Variants in ARID4B observed in about 807,000 individuals in gnomAD.
ARID4B encodes AT-rich interaction domain 4B.
A neutral mutation model predicts 147.5 loss-of-function variants in ARID4B; 26 were observed. The observed-to-expected ratio is 0.18, with a 90% CI of 0.13 to 0.24. The LOEUF (loss-of-function observed/expected upper bound fraction) is 0.24. ARID4B is among the 10% of genes least tolerant of loss of function. The probability of loss-of-function intolerance (pLI) is 1.00; values close to 1 mark genes in which losing one functional copy is unlikely to be tolerated. For synonymous variants in ARID4B, 512 were observed against 507.9 expected, an observed-to-expected ratio of 1.01 and a Z score of -0.11; for missense variants, 1,179 against 1,511.5, an observed-to-expected ratio of 0.78 and a Z score of 3.65.
intron 7 of ARID4B, among the ~76,000 whole-genome samples, chr1:235,244,405 G>A (rs933430129): frequency 6.6e-5 from 10 of 151,812 alleles, no homozygotes; most frequent in African/African-American, 2.2e-4. Context: ...AAACACAATC[G>A]CTGCAAACAA....
chr1:235,172,484 A>C, intron 23 of ARID4B, 134 bp downstream of exon 23: 1 of 526,188 alleles, frequency 1.9e-6, no homozygotes, highest in Non-Finnish European at 3.1e-6. Flanking sequence ...AAGCTGAGGT[A>C]GGAGAACTGT....
At chr1:235,209,501 T>C (rs1197028740) in intron 17 of ARID4B, among the ~76,000 whole-genome samples, 3 of 151,712 alleles carry the variant, frequency 2.0e-5, no homozygotes. Flanking sequence ...ACAAACAGCA[T>C]TTTAGTTAGA....
At chr1:235,207,727 G>A (rs1666408407) in intron 17 of ARID4B, among the ~76,000 whole-genome samples, 2 of 152,128 alleles carry the variant, frequency 1.3e-5, no homozygotes, top group Admixed American at 1.3e-4. Context: ...GGAATAAAGT[G>A]TGATAAAAAG....
chr1:235,171,766 A>G (rs559505176), intron 23 of ARID4B, among the ~76,000 whole-genome samples: 147 of 152,150 alleles, frequency 9.7e-4, no homozygotes, highest in Non-Finnish European at 1.8e-3. Context: ...CGGCCTCCCA[A>G]GTAGCTGGGA....
At chr1:235,202,053 T>C (rs6669653) in intron 17 of ARID4B, among the ~76,000 whole-genome samples, 4 of 150,096 alleles carry the variant, frequency 2.7e-5, no homozygotes, top group Non-Finnish European at 5.9e-5. Flanking sequence ...ATATATACAA[T>C]CCAGGATAGT....
chr1:235,318,168 C>CTT lies in ARID4B; in HGVS notation c.6+8744_6+8745dup, dbSNP rs372816686. 7.6e-4 allele frequency among the ~76,000 whole-genome samples: 85 copies of CTT among 112,004 alleles called. 1 individual carries two copies. Among genetic ancestry groups the CTT allele is most frequent in the African/African-American group, 9.7e-4 (23 of 23,624 alleles). The allele number at this position is 112,004 out of a possible 152,430, so 73.5% of individuals were successfully genotyped here. ...AGCATAGTATTAACACTTGCTACTC[C>CTT]TTTTTTTTTTTTTTTTTTTTTTTTT... is the stretch of plus-strand genomic sequence containing the variant. On this transcript the variant is annotated intron_variant, in intron 2 of 23. Coordinates refer to ENST00000264183, the MANE Select transcript of ARID4B (RefSeq NM_016374.6).
chr1:235,179,871 C>T (rs1664175636), intron 20 of ARID4B, among the ~76,000 whole-genome samples: 1 of 151,792 alleles, frequency 6.6e-6, no homozygotes, highest in African/African-American at 2.4e-5. Context: ...GAGATAGAGA[C>T]CATCCTGGCT....
At chr1:235,231,218 GA>G (rs750537738) in intron 9 of ARID4B, 29 bp from the exon 10 acceptor site, 421 of 1,261,718 alleles carry the variant, frequency 3.3e-4, no homozygotes, top group Middle Eastern at 5.2e-4. Context: ...TATAAGAGAA[GA>G]AAAAAAACCC....
intron 2 of ARID4B, among the ~76,000 whole-genome samples, chr1:235,290,372 G>A (rs569373228): frequency 1.1e-4 from 17 of 151,664 alleles, no homozygotes; most frequent in African/African-American, 4.1e-4. Context: ...GAACCAGGGA[G>A]GCAGAGGTTG....
Position 235,229,323 on chromosome 1 carries a change from A to C in ARID4B, c.805T>G (p.Leu269Val). The C allele has an allele frequency of 6.2e-7, 1 of 1,613,534 alleles. No homozygotes were observed. Among genetic ancestry groups the C allele is most frequent in the Non-Finnish European group, 8.5e-7 (1 of 1,179,834 alleles). ...TCACTGCTAGAGCTATCTTCTTTCAATTCAGTCTTCCAGTTAGCAGGAATA... is the reference window on the plus strand; with the variant it reads ...TCACTGCTAGAGCTATCTTCTTTCACTTCAGTCTTCCAGTTAGCAGGAATA... ...RTIPANWKTE[L>V]KEDSSSSEAE... The change falls in exon 11 of 24, where the codon TTG (leucine) becomes GTG (valine). Residue 269 changes from leucine to valine, a missense_variant. Leu to Val is a conservative substitution (Grantham distance 32, BLOSUM62 1). Coordinates refer to ENST00000264183, the MANE Select transcript of ARID4B (RefSeq NM_016374.6).
chr1:235,188,206 A>C (rs895332808), intron 19 of ARID4B, among the ~76,000 whole-genome samples: 1 of 152,152 alleles, frequency 6.6e-6, no homozygotes, highest in African/African-American at 2.4e-5. Context: ...TTCTGAAATA[A>C]TATAAACCTA....
At chr1:235,301,204 G>A (rs906668018) in intron 2 of ARID4B, among the ~76,000 whole-genome samples, 1 of 151,284 alleles carries the variant, frequency 6.6e-6, no homozygotes, top group African/African-American at 2.4e-5. Context: ...TTTTTCTACT[G>A]TAAATTTTAT....
At chr1:235,250,023 C>T (rs188980458) in intron 6 of ARID4B, among the ~76,000 whole-genome samples, 1 of 151,768 alleles carries the variant, frequency 6.6e-6, no homozygotes, top group East Asian at 1.9e-4. Flanking sequence ...AGCAGAATGG[C>T]GTGAACCTGG....
In ARID4B at chr1:235,223,349, T is replaced by C. The variant is rs567022935; in HGVS notation, c.971-89A>G. ...ATTCAAATAATACAAGTATTTATAG[T>C]ATTTTATATATATATACACGTATAT... On this transcript the variant is annotated intron_variant, in intron 12 of 23. Transcript: ENST00000264183. 9.1e-4 allele frequency: 253 copies of C among 277,814 alleles called. 10 individuals are homozygous for C. The South Asian group carries it at 0.011, about 12-fold the overall frequency. 17.2% of individuals were successfully genotyped at this position (277,814 alleles called of 1,614,324 possible).
chr1:235,299,579 G>A (rs899749195), intron 2 of ARID4B, among the ~76,000 whole-genome samples: 1 of 152,212 alleles, frequency 6.6e-6, no homozygotes, highest in Non-Finnish European at 1.5e-5. Context: ...ATTAACACCA[G>A]CCTCTAATAC....
intron 2 of ARID4B, among the ~76,000 whole-genome samples, chr1:235,319,665 C>T (rs1028445120): frequency 6.6e-6 from 1 of 152,014 alleles, no homozygotes; most frequent in African/African-American, 2.4e-5. Flanking sequence ...ATACTCAGTT[C>T]CAAGAATCCC....
chr1:235,300,720 A>AT (rs1673061557), intron 2 of ARID4B, among the ~76,000 whole-genome samples: 1 of 150,180 alleles, frequency 6.7e-6, no homozygotes, highest in Non-Finnish European at 1.5e-5. Flanking sequence ...TTTTTTTTTT[A>AT]TTTTTTGTGA....
At chr1:235,227,248 T>C (rs553384840) in intron 11 of ARID4B, among the ~76,000 whole-genome samples, 2 of 152,058 alleles carry the variant, frequency 1.3e-5, no homozygotes, top group African/African-American at 4.8e-5. Context: ...TGAGAAAAAA[T>C]TGAGGCAGGA....
At chr1:235,183,485 G>A (rs1038775715) in intron 19 of ARID4B, among the ~76,000 whole-genome samples, 4 of 152,188 alleles carry the variant, frequency 2.6e-5, no homozygotes, top group Admixed American at 2.0e-4. Flanking sequence ...TGGGATTACA[G>A]GCGTGAGCCA....
Sources: allele counts gnomAD v4.1 joint callset (sites outside exome capture counted in the v4.1 genomes callset), GRCh38; gene constraint gnomAD v4.1.1; transcripts MANE v1.5; gene names NCBI Gene and HGNC (gene_info 2026-07-23, HGNC 2026-07-21).